Variants in SGSM3 observed in about 807,000 individuals in gnomAD.
SGSM3 encodes RUN and SH3 containing 3.
In SGSM3, 96 loss-of-function variants were observed where a neutral mutation model predicts 100.5. That is an observed-to-expected ratio of 0.96 (90% CI 0.81 to 1.13). The LOEUF is 1.13. Ranked by LOEUF, SGSM3 falls within the 50% of genes most tolerant of loss-of-function variation. SGSM3 has a pLI of 0.00. For missense variants in SGSM3, 1,001 were observed against 1,015.8 expected (o/e 0.99, Z 0.20); for synonymous variants, 483 against 422.8 (o/e 1.14, Z -1.75).
At chr22:40,406,888 T>C (rs1569216953) in intron 10 of SGSM3, 129 bp from the exon 11 acceptor site, 1 of 1,047,680 alleles carries the variant, frequency 9.5e-7, no homozygotes, top group Non-Finnish European at 1.4e-6. Flanking sequence ...GACCCAGCTC[T>C]GATTATCTGT....
intron 1 of SGSM3, among the ~76,000 whole-genome samples, chr22:40,395,173 T>A (rs182937831): frequency 2.0e-5 from 3 of 152,134 alleles, no homozygotes; most frequent in East Asian, 3.9e-4. Context: ...TTGCAAAAAA[T>A]TTTTTTTGTT....
chr22:40,371,206 G>A (rs2045396777), intron 1 of SGSM3, among the ~76,000 whole-genome samples: 1 of 152,256 alleles, frequency 6.6e-6, no homozygotes, highest in African/African-American at 2.4e-5. Context: ...GGGGGAAACT[G>A]AGGCATACGT....
In SGSM3 at chr22:40,404,369, TG is replaced by T; in HGVS notation, c.283del (p.Asp95ThrfsTer25). On this transcript the variant is annotated frameshift_variant, in exon 5 of 22. Transcript: ENST00000248929. LOFTEE classifies it high-confidence loss of function. Reference sequence around the variant, plus strand: ...TAACCACGATGTGGGGGATCTCACCTGGGACAAGATTGCCGTCTCCCTACCC... The same window carrying T: ...TAACCACGATGTGGGGGATCTCACCTGGACAAGATTGCCGTCTCCCTACCC... ...THNHDVGDLT[W>X]DKIAVSLPRS... The T allele has an allele frequency of 1.2e-6, 2 of 1,607,822 alleles. No homozygotes were observed. The highest frequency in any genetic ancestry group is 2.2e-5 in the South Asian group (2 of 90,180).
At chr22:40,371,945 C>G (rs573485973) in intron 1 of SGSM3, among the ~76,000 whole-genome samples, 2 of 152,086 alleles carry the variant, frequency 1.3e-5, no homozygotes, top group African/African-American at 4.8e-5. Flanking sequence ...GTGATCCGCC[C>G]GTCTCGGGCC....
intron 1 of SGSM3, among the ~76,000 whole-genome samples, chr22:40,398,200 C>T (rs932476339): frequency 6.6e-6 from 1 of 151,940 alleles, no homozygotes; most frequent in Non-Finnish European, 1.5e-5. Flanking sequence ...CTCCCGACCT[C>T]AGGTGATCCA....
chr22:40,380,381 T>TC (rs59027234), intron 1 of SGSM3, among the ~76,000 whole-genome samples: 1 of 151,240 alleles, frequency 6.6e-6, no homozygotes, highest in Non-Finnish European at 1.5e-5. Flanking sequence ...TTTTTTTTTT[T>TC]CCTGAGACAG....
In SGSM3 at chr22:40,405,370, T is replaced by C. The variant is rs2051330926; in HGVS notation, c.618+86T>C. On this transcript the variant is annotated intron_variant, in intron 7 of 21. Coordinates refer to ENST00000248929, the MANE Select transcript of SGSM3 (RefSeq NM_015705.6). ...GGAGTGGCCTCCCGCTACGGGGCAG[T>C]AGCCCCAGGGCCTCCTCCAGGACCC... 12 of 1,277,464 alleles carry C rather than the reference T, an allele frequency of 9.4e-6. No homozygotes were observed. In the East Asian group the frequency reaches 1.9e-4, roughly 21 times the overall value. The allele number at this position is 1,277,464 out of a possible 1,614,324, so 79.1% of individuals were successfully genotyped here.
At position 40,405,688 on chromosome 22, in the gene SGSM3, G is replaced by A. The variant is rs755753950; in HGVS notation, c.658G>A (p.Ala220Thr). Residue 220 changes from alanine to threonine, a missense_variant, in exon 8 of 22, where the codon GCC becomes ACC. Ala to Thr is a moderately conservative substitution (Grantham distance 58, BLOSUM62 0). Coordinates refer to ENST00000248929, the MANE Select transcript of SGSM3 (RefSeq NM_015705.6). ...CCTGCTGTTCCTGGAGGAGGAGGAC[G>A]CCTTCTGGATGATGTCTGCCATCAT... is the stretch of plus-strand genomic sequence containing the variant. ...CLLLFLEEED[A>T]FWMMSAIIED... 31 of 1,613,614 alleles carry A rather than the reference G, an allele frequency of 1.9e-5. No individual in the cohort carries two copies. The highest frequency in any genetic ancestry group is 9.9e-5 in the South Asian group (9 of 91,074).
chr22:40,392,424 C>T (rs1217256801), intron 1 of SGSM3, among the ~76,000 whole-genome samples: 1 of 151,756 alleles, frequency 6.6e-6, no homozygotes, highest in East Asian at 1.9e-4. Context: ...GGATCCTTTT[C>T]ACAGTTATGG....
rs186185747 is a variant in SGSM3, at chr22:40,394,423, G to A, written c.-111-6273G>A. ...AGCCCTTTGGGAGGCTGAGGCGGGTGGATCACGAGGTCAGGAGTTCGAGAC... is the reference window on the plus strand; with the variant it reads ...AGCCCTTTGGGAGGCTGAGGCGGGTAGATCACGAGGTCAGGAGTTCGAGAC... On this transcript the variant is annotated intron_variant, in intron 1 of 21. Coordinates refer to ENST00000248929, the MANE Select transcript of SGSM3 (RefSeq NM_015705.6). Among the ~76,000 whole-genome samples the A allele has an allele frequency of 3.6e-3, 541 of 152,160 alleles. 1 individual carries two copies. Among genetic ancestry groups the A allele is most frequent in the African/African-American group, 0.012 (517 of 41,528 alleles).
intron 1 of SGSM3, among the ~76,000 whole-genome samples, chr22:40,371,326 A>G (rs1281363437): frequency 6.6e-6 from 1 of 152,212 alleles, no homozygotes; most frequent in Non-Finnish European, 1.5e-5. Context: ...AAGATGTTTC[A>G]AAGGTTGTTT....
chr22:40,395,375 G>A (rs1017205539), intron 1 of SGSM3, among the ~76,000 whole-genome samples: 31 of 151,120 alleles, frequency 2.1e-4, no homozygotes, highest in African/African-American at 7.6e-4. Context: ...AGGCTGGAGT[G>A]CAGTGGCACG....
In SGSM3 at chr22:40,407,870, TGGGAGA is replaced by T; in HGVS notation, c.1579+33_1579+38del. 6.3e-7 allele frequency: 1 copy of T among 1,587,858 alleles called. No individual in the cohort carries two copies. The highest frequency in any genetic ancestry group is 8.6e-7 in the Non-Finnish European group (1 of 1,162,680). On this transcript the variant is annotated intron_variant, in intron 14 of 21. Coordinates refer to ENST00000248929, the MANE Select transcript of SGSM3 (RefSeq NM_015705.6). This position sits in a 1 kb window ranked among gnomAD's most constrained non-coding sequence, Gnocchi z 4.7. ...TGGGGTCCTTGGTCTGCTCTTGAGC[TGGGAGA>T]GGGAGGAGGGGGTGGGCACAGAAGA... is the stretch of plus-strand genomic sequence containing the variant.
At chr22:40,387,254 A>G in intron 1 of SGSM3, 1 of 398,582 alleles carries the variant, frequency 2.5e-6, no homozygotes, top group Non-Finnish European at 4.4e-6. Flanking sequence ...TCACTGCCAC[A>G]GAGTATAATA....
chr22:40,382,404 T>TA lies in SGSM3; in HGVS notation c.-112+11719dup, dbSNP rs2047716307. Among the ~76,000 whole-genome samples, 8 of 152,218 alleles carry TA rather than the reference T, an allele frequency of 5.3e-5. No individual in the cohort carries two copies. The South Asian group carries it at 1.7e-3, about 32-fold the overall frequency. On this transcript the variant is annotated intron_variant, in intron 1 of 21. Transcript: ENST00000248929. ...AGCTAGGTGGGACTGGAGTCATGTCTAAAGTTTCCTTAGATGTCTTGGGGT... is the reference window on the plus strand; with the variant it reads ...AGCTAGGTGGGACTGGAGTCATGTCTAAAAGTTTCCTTAGATGTCTTGGGGT...
chr22:40,374,921 A>T lies in SGSM3; in HGVS notation c.-112+4233A>T, dbSNP rs1312163620. Among the ~76,000 whole-genome samples, 5 of 152,338 alleles carry T rather than the reference A, an allele frequency of 3.3e-5. No individual in the cohort carries two copies. In the South Asian group the frequency reaches 6.2e-4, roughly 19 times the overall value. ...TTGTACCAGTACTATCAGTAGTAGC[A>T]TATGACTGAAATAACAAGGCTAGAT... On this transcript the variant is annotated intron_variant, in intron 1 of 21. Transcript: ENST00000248929.
Position 40,404,551 on chromosome 22 carries a change from C to T in SGSM3, c.367-6C>T, listed in dbSNP as rs764664370. The T allele has an allele frequency of 6.2e-7, 1 of 1,613,224 alleles. No individual in the cohort carries two copies. The highest frequency in any genetic ancestry group is 1.1e-5 in the South Asian group (1 of 90,998). On this transcript the variant is annotated splice_region_variant and splice_polypyrimidine_tract_variant and intron_variant, in intron 5 of 21. Transcript: ENST00000248929. ...ACTGAGTGCCCTTGCGGCTCCCTTC[C>T]CTCAGCTGTGGATGCGGCTCTCTGG...
At chr22:40,388,264 C>G (rs760774621) in intron 1 of SGSM3, 8 of 152,184 alleles carry the variant, frequency 5.3e-5, no homozygotes, top group Non-Finnish European at 7.3e-5. Flanking sequence ...ACAAAAATTA[C>G]TAGGGTAACC....
At chr22:40,409,187 C>A in intron 19 of SGSM3, 63 bp from the exon 20 acceptor site, 1 of 1,555,598 alleles carries the variant, frequency 6.4e-7, no homozygotes, top group Admixed American at 1.8e-5. Flanking sequence ...GAGGCTTCCA[C>A]CGTGGCTGCA....
Sources: gnomAD v4.1 joint callset for allele counts (sites outside exome capture counted in the v4.1 genomes callset) on GRCh38, gnomAD v4.1.1 for gene constraint, Gnocchi (gnomAD v3.1) non-coding constraint, MANE v1.5 for transcripts, NCBI Gene and HGNC (gene_info 2026-07-23, HGNC 2026-07-21) for gene names.